Variants in USP33 observed in about 807,000 individuals in gnomAD.
USP33 encodes the protein ubiquitin specific peptidase 33.
In USP33, 46 loss-of-function variants were observed where a neutral mutation model predicts 124.2. The observed-to-expected ratio is 0.37, with a 90% CI of 0.29 to 0.47. USP33 has a LOEUF of 0.47. Ranked by LOEUF, USP33 falls within the 20% of genes least tolerant of loss-of-function variation. The pLI, the probability that USP33 is intolerant of heterozygous loss-of-function variation, is 0.99. For missense variants in USP33, 851 were observed against 1,070.6 expected (o/e 0.79, Z 2.86); for synonymous variants, 350 against 352.3 (o/e 0.99, Z 0.07).
intron 11 of USP33, 133 bp downstream of exon 11, chr1:77,725,489 T>C (rs953657044): frequency 1.5e-5 from 19 of 1,299,322 alleles, no homozygotes; most frequent in East Asian, 5.1e-5. Context: ...ATCATGTCTA[T>C]GTAAAATTAT....
rs1392531942 is a variant in USP33 at position 77,715,732 on chromosome 1, T to C, written c.2045+10A>G. 13 of 1,612,318 alleles carry C rather than the reference T, an allele frequency of 8.1e-6. No homozygotes were observed. Among genetic ancestry groups the C allele is most frequent in the Non-Finnish European group, 1.1e-5 (13 of 1,179,460 alleles). ...AGATGTCCTTTCGCATCTACACTTA[T>C]TTCCATTACCTATAGAAAAGAACGT... On this transcript the variant is annotated intron_variant, in intron 18 of 23. Coordinates refer to ENST00000370794, the MANE Select transcript of USP33 (RefSeq NM_201624.3).
At chr1:77,710,334 T>A (rs180849441) in intron 21 of USP33, among the ~76,000 whole-genome samples, 3 of 152,360 alleles carry the variant, frequency 2.0e-5, no homozygotes, top group Admixed American at 6.5e-5. Context: ...AGCAGTGGTC[T>A]TCTTGACCTT....
Position 77,697,292 on chromosome 1 carries a change from A to C in USP33, c.*25T>G, listed in dbSNP as rs753590700. ...TCAGGGCACATGAAAATGATTCCTC[A>C]TTAGAACTCTCTACATCCTAAAAAT... On this transcript the variant is annotated 3_prime_UTR_variant, in exon 24 of 24. Transcript: ENST00000370794. The C allele has an allele frequency of 1.9e-6, 3 of 1,567,644 alleles. No individual in the cohort carries two copies. The highest frequency in any genetic ancestry group is 2.6e-6 in the Non-Finnish European group (3 of 1,159,716).
rs191044352 is a variant in USP33, at chr1:77,748,076, T to C, written c.-51-6328A>G. Among the ~76,000 whole-genome samples the C allele has an allele frequency of 2.4e-3, 371 of 152,364 alleles. 2 individuals carry two copies. The highest frequency in any genetic ancestry group is 8.7e-3 in the African/African-American group (360 of 41,586). On this transcript the variant is annotated intron_variant, in intron 1 of 23. Transcript: ENST00000370794. Reference sequence around the variant, plus strand: ...TTCCCTGGCTACACTGTGGCTGTAATGGAAAACATAAGTTTTCCATTTTTA... The same window carrying C: ...TTCCCTGGCTACACTGTGGCTGTAACGGAAAACATAAGTTTTCCATTTTTA...
In USP33 at chr1:77,711,825, C is replaced by T. The variant is rs759978330; in HGVS notation, c.2328G>A (p.Leu776=). ...CAATTTGGCAAGTATGACAAATGTA[C>T]AGATGGTTGACAGCTGGTCCTCCAC... ...RYGGGPAVNH[L]YICHTCQIEA... is the part of the protein sequence containing the mutation. The change falls in exon 21 of 24, where the codon CTG becomes CTA. Residue 776 remains leucine, a synonymous_variant. Transcript: ENST00000370794. 6.2e-7 allele frequency: 1 copy of T among 1,608,068 alleles called. No individual in the cohort carries two copies. The highest frequency in any genetic ancestry group is 8.5e-7 in the Non-Finnish European group (1 of 1,178,422).
chr1:77,758,676 A>G (rs955986994), intron 1 of USP33, among the ~76,000 whole-genome samples: 1 of 152,222 alleles, frequency 6.6e-6, no homozygotes, highest in African/African-American at 2.4e-5. Flanking sequence ...TGACTTGGTC[A>G]GACCTTTCCA....
At chr1:77,716,799 A>C (rs1489827639) in intron 17 of USP33, among the ~76,000 whole-genome samples, 1 of 152,144 alleles carries the variant, frequency 6.6e-6, no homozygotes, top group Non-Finnish European at 1.5e-5. Flanking sequence ...TCTAAAACTA[A>C]AATTTTTCCC....
chr1:77,705,774 T>C (rs962230526), intron 21 of USP33, among the ~76,000 whole-genome samples: 3 of 152,204 alleles, frequency 2.0e-5, no homozygotes, highest in Admixed American at 6.5e-5. Context: ...ACAATCCAGC[T>C]TAGAGCCCTC....
chr1:77,757,426 C>A (rs1406077827), intron 1 of USP33, among the ~76,000 whole-genome samples: 1 of 152,174 alleles, frequency 6.6e-6, no homozygotes, highest in Non-Finnish European at 1.5e-5. Context: ...TCTCAGTATA[C>A]AATATAGCAC....
intron 1 of USP33, among the ~76,000 whole-genome samples, chr1:77,759,049 GA>G (rs1681073766): frequency 1.3e-5 from 2 of 152,156 alleles, no homozygotes. Flanking sequence ...AAAGGTCTGG[GA>G]AACCACACAC....
intron 15 of USP33, 40 bp downstream of exon 15, chr1:77,721,132 T>C (rs775376850): frequency 3.7e-6 from 6 of 1,611,984 alleles, no homozygotes; most frequent in South Asian, 2.2e-5. Flanking sequence ...CCAAGAAAAA[T>C]ACACAACATG....
At chr1:77,711,995 C>A in intron 20 of USP33, 140 bp from the exon 21 acceptor site, 2 of 802,974 alleles carry the variant, frequency 2.5e-6, no homozygotes, top group Non-Finnish European at 3.8e-6. Context: ...CATATAAGGA[C>A]TTGTTATTAT....
At chr1:77,723,468 AAATC>A in intron 11 of USP33, 25 bp from the exon 12 acceptor site, 3 of 1,485,830 alleles carry the variant, frequency 2.0e-6, no homozygotes, top group African/African-American at 1.4e-5. Flanking sequence ...CATTAAAAAA[AAATC>A]AAAGCAGCTC....
intron 14 of USP33, 47 bp from the exon 15 acceptor site, chr1:77,721,252 T>C (rs1676529578): frequency 6.2e-7 from 1 of 1,604,026 alleles, no homozygotes; most frequent in South Asian, 1.1e-5. Context: ...AACAGCAAAT[T>C]GCTTATTATG....
intron 18 of USP33, among the ~76,000 whole-genome samples, chr1:77,715,116 A>G (rs2101307391): frequency 6.6e-6 from 1 of 152,336 alleles, no homozygotes; most frequent in Middle Eastern, 3.4e-3. Flanking sequence ...AAATATTTTT[A>G]TAGTAATACT....
intron 7 of USP33, among the ~76,000 whole-genome samples, chr1:77,733,848 G>A (rs911489133): frequency 2.0e-5 from 3 of 152,144 alleles, no homozygotes; most frequent in Non-Finnish European, 4.4e-5. Context: ...CCAAGGGAAA[G>A]GGTAATGTCA....
intron 22 of USP33, among the ~76,000 whole-genome samples, chr1:77,699,293 G>C (rs1413600429): frequency 1.3e-5 from 2 of 152,180 alleles, no homozygotes. Context: ...GGCCGAGGCA[G>C]GTGGCTCACT....
chr1:77,702,014 A>C (rs1316862706), intron 21 of USP33, among the ~76,000 whole-genome samples: 1 of 151,586 alleles, frequency 6.6e-6, no homozygotes, highest in Non-Finnish European at 1.5e-5. Context: ...GGTGATTTGC[A>C]CCTGTAGTCC....
chr1:77,744,831 C>G (rs1454485439), intron 1 of USP33, among the ~76,000 whole-genome samples: 1 of 152,178 alleles, frequency 6.6e-6, no homozygotes, highest in Non-Finnish European at 1.5e-5. Flanking sequence ...AGTGACACAG[C>G]AAGATCCTGT....
Sources: gnomAD v4.1 joint callset for allele counts (sites outside exome capture counted in the v4.1 genomes callset) on GRCh38, gnomAD v4.1.1 for gene constraint, MANE v1.5 for transcripts, NCBI Gene and HGNC (gene_info 2026-07-23, HGNC 2026-07-21) for gene names.